The following MIS18BP1 variants were observed in gnomAD, a reference collection of about 807,000 sequenced individuals.
MIS18BP1 encodes the protein MIS18 binding protein 1, also known as mis18-binding protein 1.
Under a neutral mutation model 116.1 loss-of-function variants are expected in MIS18BP1, and 72 were observed. That is an observed-to-expected ratio of 0.62 (90% CI 0.51 to 0.75). MIS18BP1 has a LOEUF of 0.75. Ranked by LOEUF, MIS18BP1 falls within the 30% of genes least tolerant of loss-of-function variation. MIS18BP1 has a pLI of 0.00. For missense variants in MIS18BP1, 1,363 were observed against 1,303.2 expected, an observed-to-expected ratio of 1.05 and a Z score of -0.71; for synonymous variants, 386 against 427.0, an observed-to-expected ratio of 0.90 and a Z score of 1.18.
At chr14:45,233,312 T>C (rs939651256) in intron 6 of MIS18BP1, among the ~76,000 whole-genome samples, 4 of 151,976 alleles carry the variant, frequency 2.6e-5, no homozygotes, top group African/African-American at 9.7e-5. Context: ...AGGAGGGGGT[T>C]AGAACTTGGG....
At chr14:45,237,012 C>CTTTT (rs11329365) in intron 5 of MIS18BP1, among the ~76,000 whole-genome samples, 1 of 136,998 alleles carries the variant, frequency 7.3e-6, no homozygotes, top group Non-Finnish European at 1.6e-5. Context: ...ACAGTTATAA[C>CTTTT]TTTTTTTTTT....
chr14:45,227,910 C>A, intron 8 of MIS18BP1, 96 bp from the exon 9 acceptor site: 9 of 1,254,692 alleles, frequency 7.2e-6, no homozygotes, highest in Non-Finnish European at 9.0e-6. Context: ...GGTGTGGTGG[C>A]TCACGCCTGT....
At chr14:45,246,722 T>G (rs757751904) in intron 2 of MIS18BP1, 21 bp downstream of exon 2, 1 of 1,532,136 alleles carries the variant, frequency 6.5e-7, no homozygotes, top group Admixed American at 2.3e-5. Flanking sequence ...TACAGCTTTT[T>G]AGCTAACACA....
intron 1 of MIS18BP1, among the ~76,000 whole-genome samples, chr14:45,251,643 C>T (rs532894968): frequency 6.6e-4 from 100 of 152,098 alleles, no homozygotes; most frequent in Non-Finnish European, 1.3e-3. Flanking sequence ...AAAAAATACT[C>T]AGCACATATG....
chr14:45,234,289 A>G (rs1180600310), intron 6 of MIS18BP1, among the ~76,000 whole-genome samples: 2 of 152,102 alleles, frequency 1.3e-5, no homozygotes, highest in Admixed American at 6.5e-5. Flanking sequence ...AAACTATATG[A>G]ATTGTTTTGC....
At chr14:45,232,687 A>G (rs1443411115) in intron 7 of MIS18BP1, 46 bp downstream of exon 7, 2 of 1,047,962 alleles carry the variant, frequency 1.9e-6, no homozygotes, top group East Asian at 2.6e-5. Context: ...AATGTAAATT[A>G]TATCTCAATA....
At chr14:45,251,039 A>AG (rs1891860031) in intron 1 of MIS18BP1, among the ~76,000 whole-genome samples, 1 of 150,092 alleles carries the variant, frequency 6.7e-6, no homozygotes, top group Admixed American at 6.6e-5. Context: ...TCTGCCTCAA[A>AG]AAAAAAAAAA....
At chr14:45,247,467 A>C in intron 1 of MIS18BP1, 90 bp from the exon 2 acceptor site, 1 of 491,372 alleles carries the variant, frequency 2.0e-6, no homozygotes, top group South Asian at 3.6e-5. Flanking sequence ...ATACTAATTA[A>C]AATGTTTAAC....
chr14:45,237,330 T>G (rs983059764), intron 5 of MIS18BP1, among the ~76,000 whole-genome samples: 1 of 152,188 alleles, frequency 6.6e-6, no homozygotes. Context: ...CTGAAATGCA[T>G]GTAGTAAATA....
chr14:45,215,084 G>C (rs1044408436), intron 13 of MIS18BP1, among the ~76,000 whole-genome samples: 3 of 152,132 alleles, frequency 2.0e-5, no homozygotes, highest in African/African-American at 7.2e-5. Flanking sequence ...ATTGCATTTA[G>C]GCTAAAATAT....
At chr14:45,241,544 G>T (rs888072949) in intron 4 of MIS18BP1, 1 of 152,594 alleles carries the variant, frequency 6.6e-6, no homozygotes, top group Non-Finnish European at 1.5e-5. Flanking sequence ...CCTTAAGCTT[G>T]TATTTCCATT....
chr14:45,232,569 CG>C (rs1220981562), intron 7 of MIS18BP1, 163 bp downstream of exon 7: 1 of 599,364 alleles, frequency 1.7e-6, no homozygotes, highest in Non-Finnish European at 3.1e-6. Flanking sequence ...CTGAGACAGG[CG>C]GATCACTTGT....
intron 4 of MIS18BP1, among the ~76,000 whole-genome samples, chr14:45,241,302 T>C (rs1240730412): frequency 6.6e-6 from 1 of 152,118 alleles, no homozygotes; most frequent in Non-Finnish European, 1.5e-5. Flanking sequence ...AAACCCCGTC[T>C]CTACTAAAAA....
chr14:45,227,751 T>C lies in MIS18BP1; in HGVS notation c.1658A>G (p.Asn553Ser). The change falls in exon 9 of 17, where the codon AAT (asparagine) becomes AGT (serine). Residue 553 changes from asparagine (N) to serine (S), a missense_variant. Physicochemically the swap from Asn to Ser is conservative, Grantham distance 46 (BLOSUM62 1). Transcript: ENST00000310806. ...CCTTAATGTTGGTTTATTTTGGCAA[T>C]TACTGTGGCACATGTTTAATTCTGT... Reference protein sequence around the residue: ...GATELNMCHSNCQNKPTLRFP... With the variant: ...GATELNMCHSSCQNKPTLRFP... 6.2e-7 allele frequency: 1 copy of C among 1,613,992 alleles called. No homozygotes were observed. Among genetic ancestry groups the C allele is most frequent in the Non-Finnish European group, 8.5e-7 (1 of 1,179,844 alleles).
intron 11 of MIS18BP1, among the ~76,000 whole-genome samples, chr14:45,223,565 G>GA (rs1891033418): frequency 6.6e-6 from 1 of 152,156 alleles, no homozygotes; most frequent in African/African-American, 2.4e-5. Context: ...AGCAGGGCGA[G>GA]ACTCCGTCTC....
intron 5 of MIS18BP1, 105 bp downstream of exon 5, chr14:45,237,543 G>C (rs1891462411): frequency 7.3e-7 from 1 of 1,364,756 alleles, no homozygotes; most frequent in African/African-American, 1.5e-5. Context: ...TCATAACCTT[G>C]TTAGGTCTTT....
At chr14:45,217,691 C>T (rs867649031) in intron 12 of MIS18BP1, among the ~76,000 whole-genome samples, 2 of 151,940 alleles carry the variant, frequency 1.3e-5, no homozygotes, top group African/African-American at 2.4e-5. Context: ...CCACCTCAGC[C>T]TCCCAAAGTG....
At chr14:45,218,143 T>G in intron 12 of MIS18BP1, 139 bp downstream of exon 12, 2 of 953,886 alleles carry the variant, frequency 2.1e-6, no homozygotes, top group Non-Finnish European at 1.5e-6. Context: ...AAACAGATGA[T>G]TTCTGAAATT....
At chr14:45,227,609 A>G in intron 9 of MIS18BP1, 54 bp downstream of exon 9, 2 of 1,493,314 alleles carry the variant, frequency 1.3e-6, no homozygotes, top group Admixed American at 3.7e-5. Flanking sequence ...TTTCAGTAGT[A>G]AATCACCCTT....
Sources: allele counts gnomAD v4.1 joint callset (sites outside exome capture counted in the v4.1 genomes callset), GRCh38; gene constraint gnomAD v4.1.1; transcripts MANE v1.5; gene names NCBI Gene and HGNC (gene_info 2026-07-23, HGNC 2026-07-21).